The following ASB11 variants were observed in gnomAD, a reference collection of about 807,000 sequenced individuals.
ASB11 encodes the protein ankyrin repeat and SOCS box protein 11.
Under a neutral mutation model 20.1 loss-of-function variants are expected in ASB11, and 17 were observed. The observed-to-expected ratio is 0.85, with a 90% CI of 0.58 to 1.27. The LOEUF is 1.27. Ranked by LOEUF, ASB11 falls within the 50% of genes most tolerant of loss-of-function variation. ASB11 has a pLI of 0.00. For missense variants in ASB11, 259 were observed against 256.9 expected (o/e 1.01, Z -0.06); for synonymous variants, 107 against 105.6 (o/e 1.01, Z -0.08).
At chrX:15,312,406 C>G in intron 1 of ASB11, among the ~76,000 whole-genome samples, 1 of 80,642 alleles carries the variant, frequency 1.2e-5, no homozygotes, top group East Asian at 3.7e-4. Context: ...CACCCCCACC[C>G]GCCCACTGCA....
intron 4 of ASB11, among the ~76,000 whole-genome samples, chrX:15,290,706 T>A (rs1292630875): frequency 1.8e-5 from 2 of 112,318 alleles, no homozygotes; most frequent in Admixed American, 1.9e-4. Context: ...CATTACTAAT[T>A]AATTTAGCCA....
chrX:15,305,597 TTAGATAGATAGATAGA>T lies in ASB11; in HGVS notation c.182-2806_182-2791del, dbSNP rs74919898. On this transcript the variant is annotated intron_variant, in intron 1 of 6. Transcript: ENST00000480796. ...AACATTTTAACAAGAAAAAAAAAGA[TTAGATAGATAGATAGA>T]TAGATAGATAGATAGATAGATAGAT... Among the ~76,000 whole-genome samples the T allele has an allele frequency of 1.4e-4, 14 of 98,539 alleles. No homozygotes were observed. In the South Asian group the frequency reaches 4.6e-3, roughly 32 times the overall value. 85.6% of individuals were successfully genotyped at this position (98,539 alleles called of 115,157 possible). A position where few individuals can be genotyped will look rare whatever the true frequency, so the allele number is the denominator to read the frequency against.
chrX:15,312,145 C>T (rs948108024), intron 1 of ASB11, among the ~76,000 whole-genome samples: 2 of 110,242 alleles, frequency 1.8e-5, no homozygotes, highest in Admixed American at 2.0e-4. Flanking sequence ...GCAGAAATAT[C>T]TATGGACTGA....
At chrX:15,311,410 T>G (rs1157553430) in intron 1 of ASB11, among the ~76,000 whole-genome samples, 2 of 112,445 alleles carry the variant, frequency 1.8e-5, no homozygotes, top group East Asian at 5.6e-4. Context: ...GATATGCAAC[T>G]TAGAGGATGG....
chrX:15,305,394 G>A (rs1471958039), intron 1 of ASB11, among the ~76,000 whole-genome samples: 4 of 111,631 alleles, frequency 3.6e-5, no homozygotes, highest in Admixed American at 2.9e-4. Context: ...CTGAGGAACA[G>A]TTCCAGATTG....
At position 15,283,650 on chromosome X, in the gene ASB11, G is replaced by T. The variant is rs747124555; in HGVS notation, c.848-21C>A. On this transcript the variant is annotated intron_variant, in intron 6 of 6. Transcript: ENST00000480796. ...TGGGCCTGAGAGAGAAATAAAAATG[G>T]TGTTAACTTCATAGTGGTGGGAGGT... is the stretch of plus-strand genomic sequence containing the variant. 6.7e-5 allele frequency: 81 copies of T among 1,200,108 alleles called. No homozygotes were observed. In the South Asian group the frequency reaches 1.4e-3, roughly 20 times the overall value.
In ASB11 at chrX:15,292,586, T is replaced by C. The variant is rs752557808; in HGVS notation, c.520+584A>G. ...AGGAGTCTAGAGTCAGCTTCAAGATTACCAATGCTATACTTTGGAAAGTTG... is the reference window on the plus strand; with the variant it reads ...AGGAGTCTAGAGTCAGCTTCAAGATCACCAATGCTATACTTTGGAAAGTTG... On this transcript the variant is annotated intron_variant, in intron 4 of 6. Coordinates refer to ENST00000480796, the MANE Select transcript of ASB11 (RefSeq NM_080873.3). Among the ~76,000 whole-genome samples, 19 of 112,428 alleles carry C rather than the reference T, an allele frequency of 1.7e-4. No homozygotes were observed. In the East Asian group the frequency reaches 5.2e-3, roughly 31 times the overall value.
chrX:15,295,089 C>T (rs1243232054), intron 3 of ASB11, among the ~76,000 whole-genome samples: 1 of 111,660 alleles, frequency 9.0e-6, no homozygotes, highest in African/African-American at 3.3e-5. Context: ...TGTTGCCAGG[C>T]TGGAGTGCAG....
intron 4 of ASB11, chrX:15,292,032 C>T (rs1365121822): frequency 1.2e-5 from 1 of 85,672 alleles, no homozygotes; most frequent in Non-Finnish European, 2.2e-5. Context: ...GAGACTCTGT[C>T]GAAAAAAAAA....
At chrX:15,313,801 C>T (rs928021056) in intron 1 of ASB11, among the ~76,000 whole-genome samples, 1 of 111,111 alleles carries the variant, frequency 9.0e-6, no homozygotes, top group African/African-American at 3.3e-5. Context: ...CCTGTAATCC[C>T]AGCACTTTGC....
chrX:15,284,191 G>A lies in ASB11; in HGVS notation c.848-562C>T, dbSNP rs542742803. ...GGCGTGAACCCGGGAGGCGGAGCTT[G>A]CAGTGAGCCGAGATCGGGCCACTGC... On this transcript the variant is annotated intron_variant, in intron 6 of 6. Coordinates refer to ENST00000480796, the MANE Select transcript of ASB11 (RefSeq NM_080873.3). Among the ~76,000 whole-genome samples, 22 of 103,817 alleles carry A rather than the reference G, an allele frequency of 2.1e-4. No homozygotes were observed. In the South Asian group the frequency reaches 3.5e-3, roughly 17 times the overall value. 90.2% of individuals were successfully genotyped at this position (103,817 alleles called of 115,157 possible). A position where few individuals can be genotyped will look rare whatever the true frequency, so the allele number is the denominator to read the frequency against.
chrX:15,306,204 G>C (rs754944368), intron 1 of ASB11, among the ~76,000 whole-genome samples: 1 of 112,137 alleles, frequency 8.9e-6, no homozygotes, highest in African/African-American at 3.2e-5. Flanking sequence ...CCATGTCTTT[G>C]TTATTGTGAT....
chrX:15,296,079 A>T (rs770361870), intron 3 of ASB11, among the ~76,000 whole-genome samples: 1 of 111,544 alleles, frequency 9.0e-6, no homozygotes, highest in Non-Finnish European at 1.9e-5. Flanking sequence ...TACAAAAATT[A>T]CTGCACTAAA....
chrX:15,295,128 C>T lies in ASB11; in HGVS notation c.370-1808G>A, dbSNP rs778626933. Reference sequence around the variant, plus strand: ...TGTGATCTCGGCTCACTGCAACCTCCGCCTCCTGGGTTCAAGAGATTCTGC... The same window carrying T: ...TGTGATCTCGGCTCACTGCAACCTCTGCCTCCTGGGTTCAAGAGATTCTGC... On this transcript the variant is annotated intron_variant, in intron 3 of 6. Transcript: ENST00000480796. Among the ~76,000 whole-genome samples the T allele has an allele frequency of 1.2e-3, 130 of 109,593 alleles. 2 individuals carry two copies. The highest frequency in any genetic ancestry group is 0.011 in the Admixed American group (115 of 10,295).
chrX:15,283,913 G>T (rs1032531431), intron 6 of ASB11, among the ~76,000 whole-genome samples: 19 of 111,418 alleles, frequency 1.7e-4, no homozygotes, highest in Non-Finnish European at 2.8e-4. Context: ...GAGGTGTGGG[G>T]TCTAAAGGGA....
intron 3 of ASB11, among the ~76,000 whole-genome samples, chrX:15,295,630 T>C (rs1920959343): frequency 1.8e-5 from 2 of 112,031 alleles, no homozygotes; most frequent in Non-Finnish European, 3.8e-5. Context: ...GAGGTATTCA[T>C]GGGACTGCCA....
Position 15,293,304 on chromosome X carries a change from A to T in ASB11, c.386T>A (p.Val129Asp). The stretch of plus-strand genomic sequence containing the variant: ...ATTGAAGAGGGGTGTGGCTCCGTGA[A>T]CTGTCACTCCATTGACCTAATGATG... Reference protein sequence around the residue: ...ENGAHVNGVTVHGATPLFNAC... With the variant: ...ENGAHVNGVTDHGATPLFNAC... Residue 129 changes from valine (V) to aspartate (D), a missense_variant, in exon 4 of 7, where the codon GTT becomes GAT. Coordinates refer to ENST00000480796, the MANE Select transcript of ASB11 (RefSeq NM_080873.3). The T allele has an allele frequency of 2.5e-6, 3 of 1,208,997 alleles. No individual in the cohort carries two copies. The highest frequency in any genetic ancestry group is 3.4e-6 in the Non-Finnish European group (3 of 894,375).
chrX:15,312,879 G>C (rs953892370), intron 1 of ASB11, among the ~76,000 whole-genome samples: 2 of 111,784 alleles, frequency 1.8e-5, no homozygotes, highest in Non-Finnish European at 3.8e-5. Flanking sequence ...TAGAGAGACT[G>C]AGGGGTTGAG....
At chrX:15,305,446 A>G (rs1921204479) in intron 1 of ASB11, among the ~76,000 whole-genome samples, 1 of 111,673 alleles carries the variant, frequency 9.0e-6, no homozygotes, top group Non-Finnish European at 1.9e-5. Context: ...AAGACACCTG[A>G]TCCTTTTGCT....
Sources: allele counts gnomAD v4.1 joint callset (sites outside exome capture counted in the v4.1 genomes callset), GRCh38; gene constraint gnomAD v4.1.1; transcripts MANE v1.5; gene names NCBI Gene and HGNC (gene_info 2026-07-23, HGNC 2026-07-21).